The following TUB variants were observed in gnomAD, a reference collection of about 807,000 sequenced individuals.
The protein encoded by TUB is TUB bipartite transcription factor.
Under a neutral mutation model 59.7 loss-of-function variants are expected in TUB, and 33 were observed. The observed-to-expected ratio is 0.55, with a 90% CI of 0.42 to 0.74. TUB has a LOEUF of 0.74. TUB is among the 30% of genes least tolerant of loss of function. TUB has a pLI of 0.00. For missense variants in TUB, 659 were observed against 672.0 expected (o/e 0.98, Z 0.21); for synonymous variants, 293 against 256.4 (o/e 1.14, Z -1.36).
chr11:8,105,338 A>T lies in TUB; in HGVS notation c.*3719A>T, dbSNP rs1944508958. 1 of 151,952 alleles carries T rather than the reference A, an allele frequency of 6.6e-6. No homozygotes were observed. Among genetic ancestry groups the T allele is most frequent in the Non-Finnish European group, 1.5e-5 (1 of 68,020 alleles). The allele number at this position is 151,952 out of a possible 1,614,324, so 9.4% of individuals were successfully genotyped here. A position where few individuals can be genotyped will look rare whatever the true frequency, so the allele number is the denominator to read the frequency against. On this transcript the variant is annotated 3_prime_UTR_variant, in exon 12 of 12. Transcript: ENST00000299506. ...CCTGCAGTCAGGGCCCAGAGTTGGGACTCTATACTACCCTGGGCTCTGGTC... is the reference window on the plus strand; with the variant it reads ...CCTGCAGTCAGGGCCCAGAGTTGGGTCTCTATACTACCCTGGGCTCTGGTC...
At chr11:8,042,611 G>A (rs1446709055) in intron 2 of TUB, among the ~76,000 whole-genome samples, 2 of 152,112 alleles carry the variant, frequency 1.3e-5, no homozygotes, top group Admixed American at 1.3e-4. Context: ...GCCAATACAT[G>A]TTATTATCTG....
At chr11:8,088,154 G>T (rs77929521) in intron 1 of TUB, among the ~76,000 whole-genome samples, 14 of 152,314 alleles carry the variant, frequency 9.2e-5, no homozygotes, top group South Asian at 6.2e-4. Flanking sequence ...AGAGCAGCTC[G>T]TGGGTACAAG....
At chr11:8,053,026 A>AG (rs1942957393) in intron 2 of TUB, among the ~76,000 whole-genome samples, 1 of 152,242 alleles carries the variant, frequency 6.6e-6, no homozygotes, top group African/African-American at 2.4e-5. Context: ...AACAATGCTT[A>AG]GTTATATTCT....
In TUB at chr11:8,100,696, G is replaced by T. The variant is rs1330793552; in HGVS notation, c.1215+95G>T. 7 of 1,408,278 alleles carry T rather than the reference G, an allele frequency of 5.0e-6. No individual in the cohort carries two copies. In the East Asian group the frequency reaches 1.7e-4, roughly 34 times the overall value. The allele number at this position is 1,408,278 out of a possible 1,614,324, so 87.2% of individuals were successfully genotyped here. A position where few individuals can be genotyped will look rare whatever the true frequency, so the allele number is the denominator to read the frequency against. ...ACTCCAGCTGATGTGTGTATGTGGA[G>T]GGGTACCATGTGAGAAAGCCCTGGA... is the stretch of plus-strand genomic sequence containing the variant. On this transcript the variant is annotated intron_variant, in intron 10 of 11. Transcript: ENST00000299506.
chr11:8,070,054 C>G (rs1467025858), intron 2 of TUB, among the ~76,000 whole-genome samples: 1 of 152,210 alleles, frequency 6.6e-6, no homozygotes, highest in Non-Finnish European at 1.5e-5. Flanking sequence ...CATGGCCACA[C>G]TGGCTTTCTT....
chr11:8,042,050 T>C (rs906361332), intron 2 of TUB, among the ~76,000 whole-genome samples: 3 of 152,216 alleles, frequency 2.0e-5, no homozygotes, highest in Admixed American at 1.3e-4. Context: ...TTTTAAGTTG[T>C]ATGACCATCA....
chr11:8,041,247 G>T (rs1481920906), intron 2 of TUB, among the ~76,000 whole-genome samples: 3 of 152,172 alleles, frequency 2.0e-5, no homozygotes, highest in African/African-American at 7.2e-5. Context: ...GCTCTTCCCT[G>T]TTGAAAGGCT....
At chr11:8,082,168 GTC>G (rs1359362956) in intron 1 of TUB, among the ~76,000 whole-genome samples, 1 of 152,202 alleles carries the variant, frequency 6.6e-6, no homozygotes, top group East Asian at 1.9e-4. Flanking sequence ...GTGCTACTCA[GTC>G]TCTTTCAGAC....
chr11:8,093,274 C>G (rs1943839938), intron 3 of TUB, among the ~76,000 whole-genome samples: 1 of 151,958 alleles, frequency 6.6e-6, no homozygotes, highest in Admixed American at 6.5e-5. Flanking sequence ...GTGCAGGCAG[C>G]AGGAGCAAGG....
intron 2 of TUB, among the ~76,000 whole-genome samples, chr11:8,065,976 G>A (rs977947006): frequency 1.3e-5 from 2 of 152,220 alleles, no homozygotes; most frequent in African/African-American, 4.8e-5. Flanking sequence ...TCGCGGTGAA[G>A]CGTTTCTCTC....
chr11:8,063,183 G>A (rs542799139), intron 2 of TUB, among the ~76,000 whole-genome samples: 1 of 152,290 alleles, frequency 6.6e-6, no homozygotes, highest in East Asian at 1.9e-4. Flanking sequence ...GCATAGACAC[G>A]AGGAAAGAGA....
chr11:8,090,306 G>T (rs11041737), intron 3 of TUB, 75 bp downstream of exon 3: 3 of 1,557,578 alleles, frequency 1.9e-6, no homozygotes, highest in Non-Finnish European at 2.6e-6. Flanking sequence ...CTAGGCAGGT[G>T]CGGACTGGTC....
upstream of TUB, chr11:8,076,751 T>A (rs1943455673): frequency 6.6e-6 from 1 of 152,262 alleles, no homozygotes; most frequent in Non-Finnish European, 1.5e-5. Context: ...CTGGTTTTAT[T>A]CCTATTACTT....
rs56870342 is a variant in TUB, at chr11:8,039,430, ACTGCCTGC to A, written c.156-201_156-194del. The A allele has an allele frequency of 1.8e-4, 79 of 441,368 alleles. 1 individual carries two copies. Among genetic ancestry groups the A allele is most frequent in the African/African-American group, 1.0e-3 (50 of 49,562 alleles). 27.3% of individuals were successfully genotyped at this position (441,368 alleles called of 1,614,324 possible). A position where few individuals can be genotyped will look rare whatever the true frequency, so the allele number is the denominator to read the frequency against. On this transcript the variant is annotated intron_variant, in intron 1 of 12. Transcript: ENST00000305253. ...TCAGGTCATCACTGCCCTCATCTGGACTGCCTGCCTGCCTGCCTGCCATCCGGGGCCCA... is the reference window on the plus strand; with the variant it reads ...TCAGGTCATCACTGCCCTCATCTGGACTGCCTGCCTGCCATCCGGGGCCCA...
chr11:8,022,306 G>C (rs959266923), intron 1 of TUB, among the ~76,000 whole-genome samples: 3 of 152,042 alleles, frequency 2.0e-5, no homozygotes, highest in African/African-American at 7.3e-5. Flanking sequence ...ACATACATTG[G>C]GTACATAGCA....
At chr11:8,028,546 G>A (rs931020181) in intron 1 of TUB, among the ~76,000 whole-genome samples, 2 of 152,192 alleles carry the variant, frequency 1.3e-5, no homozygotes, top group African/African-American at 4.8e-5. Flanking sequence ...TCAGTGTTTT[G>A]TAGTTTTAGA....
chr11:8,079,664 ATGTGTGTAGG>A (rs1208658315), upstream of TUB, among the ~76,000 whole-genome samples: 11 of 97,798 alleles, frequency 1.1e-4, no homozygotes, highest in East Asian at 3.7e-4. Flanking sequence ...GTGTGCATGC[ATGTGTGTAGG>A]TGTGTGTAGG....
At chr11:8,079,740 G>C (rs145658181), upstream of TUB, among the ~76,000 whole-genome samples, 1 of 152,022 alleles carries the variant, frequency 6.6e-6, no homozygotes, top group Non-Finnish European at 1.5e-5. Context: ...TACATGAACT[G>C]TGATTGGCCA....
At chr11:8,071,346 G>A (rs1376537921) in intron 2 of TUB, among the ~76,000 whole-genome samples, 1 of 152,146 alleles carries the variant, frequency 6.6e-6, no homozygotes, top group Non-Finnish European at 1.5e-5. Flanking sequence ...ATTATCAGAT[G>A]GGGCCCATGA....
Sources: allele counts gnomAD v4.1 joint callset (sites outside exome capture counted in the v4.1 genomes callset), GRCh38; gene constraint gnomAD v4.1.1; transcripts MANE v1.5; gene names NCBI Gene and HGNC (gene_info 2026-07-23, HGNC 2026-07-21).